PTPRK: variants seen among roughly 807,000 people sequenced by gnomAD.
The protein encoded by PTPRK is receptor-type tyrosine-protein phosphatase kappa.
Under a neutral mutation model 178.0 loss-of-function variants are expected in PTPRK, and 75 were observed. That is an observed-to-expected ratio of 0.42 (90% CI 0.35 to 0.51). PTPRK has a LOEUF of 0.51. Ranked by LOEUF, PTPRK falls within the 20% of genes least tolerant of loss-of-function variation. The pLI, the probability that PTPRK is intolerant of heterozygous loss-of-function variation, is 0.02. For synonymous variants in PTPRK, 637 were observed against 620.6 expected (o/e 1.03, Z -0.39); for missense variants, 1,441 against 1,797.8 (o/e 0.80, Z 3.59).
intron 2 of PTPRK, among the ~76,000 whole-genome samples, chr6:128,375,300 G>A (rs917413854): frequency 1.2e-4 from 18 of 151,784 alleles, no homozygotes; most frequent in African/African-American, 3.9e-4. Flanking sequence ...ACAGTTCCAC[G>A]TGGCTAGGGA....
At position 128,053,842 on chromosome 6, in the gene PTPRK, C is replaced by G. The variant is rs548070972; in HGVS notation, c.2194+10916G>C. 3.3e-5 allele frequency among the ~76,000 whole-genome samples: 5 copies of G among 152,218 alleles called. No homozygotes were observed. In the South Asian group the frequency reaches 1.0e-3, roughly 32 times the overall value. ...TCACTGGTGTGGGTCCTACCATGCT[C>G]TGCCCCACCCCAATGGTTGTGAGAT... On this transcript the variant is annotated intron_variant, in intron 13 of 29. Coordinates refer to ENST00000368226, the MANE Select transcript of PTPRK (RefSeq NM_002844.4).
chr6:127,988,841 GTTCTA>G (rs946889376), intron 21 of PTPRK, among the ~76,000 whole-genome samples: 3 of 150,138 alleles, frequency 2.0e-5, no homozygotes, highest in Non-Finnish European at 4.4e-5. Context: ...TTTTTCCTTT[GTTCTA>G]TTCTACTTTT....
intron 1 of PTPRK, among the ~76,000 whole-genome samples, chr6:128,416,663 A>G (rs1842895947): frequency 6.6e-6 from 1 of 151,344 alleles, no homozygotes; most frequent in Non-Finnish European, 1.5e-5. Context: ...AAAAAAAAAA[A>G]AAGAACTGGA....
intron 3 of PTPRK, among the ~76,000 whole-genome samples, chr6:128,262,886 T>C (rs1335148994): frequency 6.9e-6 from 1 of 145,742 alleles, no homozygotes; most frequent in Non-Finnish European, 1.5e-5. Context: ...GTCTAAGTGC[T>C]TTACATTCTA....
At chr6:128,024,373 G>C (rs1489317795) in intron 13 of PTPRK, among the ~76,000 whole-genome samples, 1 of 152,098 alleles carries the variant, frequency 6.6e-6, no homozygotes, top group East Asian at 1.9e-4. Flanking sequence ...ATGATCTTAT[G>C]AATCAATTCT....
At chr6:127,983,027 C>T (rs1443854908) in intron 23 of PTPRK, 47 bp from the exon 24 acceptor site, 7 of 1,540,562 alleles carry the variant, frequency 4.5e-6, no homozygotes, top group Admixed American at 2.0e-5. Context: ...TTTAGTATCA[C>T]TTTTCTGTCA....
At chr6:128,435,778 C>T (rs540709977) in intron 1 of PTPRK, among the ~76,000 whole-genome samples, 1 of 152,120 alleles carries the variant, frequency 6.6e-6, no homozygotes, top group South Asian at 2.1e-4. Context: ...TGAAGCTAGA[C>T]AAAAAATTTC....
At chr6:128,476,339 T>C (rs1851367767) in intron 1 of PTPRK, among the ~76,000 whole-genome samples, 1 of 152,096 alleles carries the variant, frequency 6.6e-6, no homozygotes, top group African/African-American at 2.4e-5. Flanking sequence ...CATGTATATG[T>C]ATATCAAATC....
chr6:128,001,151 AT>A (rs1777788322), intron 15 of PTPRK: 1 of 1,416,680 alleles, frequency 7.1e-7, no homozygotes, highest in Non-Finnish European at 9.6e-7. Flanking sequence ...CTTGAAATAT[AT>A]CCTTGATTGA....
intron 6 of PTPRK, among the ~76,000 whole-genome samples, chr6:128,189,976 T>C (rs1803478422): frequency 6.6e-6 from 1 of 151,716 alleles, no homozygotes; most frequent in African/African-American, 2.4e-5. Flanking sequence ...TAACATAATT[T>C]AATAAATTCT....
intron 7 of PTPRK, among the ~76,000 whole-genome samples, chr6:128,127,415 T>G (rs1407895965): frequency 6.6e-6 from 1 of 152,246 alleles, no homozygotes; most frequent in Non-Finnish European, 1.5e-5. Flanking sequence ...GAATCTTCTA[T>G]TCCATGAACA....
chr6:128,237,009 CTGATA>C (rs1007972346), intron 5 of PTPRK, among the ~76,000 whole-genome samples: 1 of 152,108 alleles, frequency 6.6e-6, no homozygotes, highest in Non-Finnish European at 1.5e-5. Flanking sequence ...ACAAAAACGA[CTGATA>C]TATTAATTAT....
intron 7 of PTPRK, among the ~76,000 whole-genome samples, chr6:128,176,747 G>T (rs1801137556): frequency 6.6e-6 from 1 of 151,694 alleles, no homozygotes; most frequent in Non-Finnish European, 1.5e-5. Flanking sequence ...GCCATATCTT[G>T]CAGGAAGACA....
At chr6:128,299,708 T>C (rs545585840) in intron 3 of PTPRK, among the ~76,000 whole-genome samples, 27 of 152,208 alleles carry the variant, frequency 1.8e-4, no homozygotes, top group African/African-American at 6.3e-4. Flanking sequence ...TTACACCTTA[T>C]ACAAACATTA....
chr6:128,110,480 T>TGGGGTTTGTGGGGTTTTCTTCTA (rs1790472800), intron 7 of PTPRK, among the ~76,000 whole-genome samples: 2 of 152,240 alleles, frequency 1.3e-5, no homozygotes, highest in Admixed American at 1.3e-4. Context: ...ATGTGCAGAA[T>TGGGGTTTGTGGGGTTTTCTTCTA]CAGCTTCAGG....
chr6:128,094,920 G>C (rs1238240340), intron 7 of PTPRK, among the ~76,000 whole-genome samples: 1 of 152,096 alleles, frequency 6.6e-6, no homozygotes. Context: ...TGCTCTGAGA[G>C]AGAGGGAGAA....
At chr6:128,130,762 C>T (rs17055352) in intron 7 of PTPRK, among the ~76,000 whole-genome samples, 3,915 of 152,034 alleles carry the variant, frequency 0.026, 76 homozygotes, top group Middle Eastern at 0.095. Flanking sequence ...GGCATAGAAA[C>T]GGAGAGATTT....
At chr6:128,310,523 G>A (rs1423186936) in intron 3 of PTPRK, among the ~76,000 whole-genome samples, 1 of 152,068 alleles carries the variant, frequency 6.6e-6, no homozygotes, top group African/African-American at 2.4e-5. Flanking sequence ...CACAACTCAG[G>A]CCCATAGCTA....
intron 3 of PTPRK, among the ~76,000 whole-genome samples, chr6:128,257,587 A>G (rs1262717278): frequency 6.6e-6 from 1 of 152,214 alleles, no homozygotes; most frequent in East Asian, 1.9e-4. Context: ...ATACATATTT[A>G]TGGAGAGATC....
Sources: gnomAD v4.1 joint callset for allele counts (sites outside exome capture counted in the v4.1 genomes callset) on GRCh38, gnomAD v4.1.1 for gene constraint, MANE v1.5 for transcripts, NCBI Gene and HGNC (gene_info 2026-07-23, HGNC 2026-07-21) for gene names.